Variants in ARHGAP42 observed in about 807,000 individuals in gnomAD.
ARHGAP42 encodes Rho GTPase activating protein 42, also known as rho GTPase-activating protein 42.
A neutral mutation model predicts 125.0 loss-of-function variants in ARHGAP42; 63 were observed. That is an observed-to-expected ratio of 0.50 (90% CI 0.41 to 0.62). The LOEUF (loss-of-function observed/expected upper bound fraction) is 0.62, where lower values mean the gene tolerates loss of function less well. ARHGAP42 is among the 20% of genes least tolerant of loss of function. ARHGAP42 has a pLI of 0.00. For synonymous variants in ARHGAP42, 339 were observed against 351.0 expected, an observed-to-expected ratio of 0.97 and a Z score of 0.38; for missense variants, 766 against 1,024.2, an observed-to-expected ratio of 0.75 and a Z score of 3.44.
intron 1 of ARHGAP42, among the ~76,000 whole-genome samples, chr11:100,768,586 C>T (rs1479997910): frequency 1.3e-5 from 2 of 152,070 alleles, no homozygotes; most frequent in African/African-American, 4.8e-5. Flanking sequence ...AGACTTGAAC[C>T]CATGCAAGAG....
chr11:100,693,940 CT>C (rs199994515), intron 1 of ARHGAP42, among the ~76,000 whole-genome samples: 442 of 144,706 alleles, frequency 3.1e-3, no homozygotes, highest in Non-Finnish European at 2.4e-3. Context: ...TCTTTTCTTT[CT>C]TTTTTTTTTT....
chr11:100,903,878 C>G (rs111394852), intron 4 of ARHGAP42, among the ~76,000 whole-genome samples: 133 of 151,350 alleles, frequency 8.8e-4, no homozygotes, highest in Non-Finnish European at 1.6e-3. Context: ...ACTTGGAATC[C>G]GATGTTCGAG....
chr11:100,805,954 G>T (rs1203718718), intron 3 of ARHGAP42, among the ~76,000 whole-genome samples: 1 of 152,120 alleles, frequency 6.6e-6, no homozygotes, highest in African/African-American at 2.4e-5. Context: ...AGCATCTTGT[G>T]CCAACCTTCA....
chr11:100,847,842 T>C (rs1448253279), intron 3 of ARHGAP42, among the ~76,000 whole-genome samples: 2 of 152,124 alleles, frequency 1.3e-5, no homozygotes, highest in Non-Finnish European at 2.9e-5. Flanking sequence ...TGGGACAGTT[T>C]ATAGATAAGA....
rs143883050 is a variant in ARHGAP42 at position 100,819,215 on chromosome 11, C to T, written c.312+24049C>T. Reference sequence around the variant, plus strand: ...TCAGTTTTATTGTTAGTATTTAGAACGGCTCATCGGAGGAGTCCACAGGCA... The same window carrying T: ...TCAGTTTTATTGTTAGTATTTAGAATGGCTCATCGGAGGAGTCCACAGGCA... On this transcript the variant is annotated intron_variant, in intron 3 of 23. Transcript: ENST00000298815. 3.6e-4 allele frequency among the ~76,000 whole-genome samples: 55 copies of T among 152,198 alleles called. No homozygotes were observed. The East Asian group carries it at 7.3e-3, about 20-fold the overall frequency.
rs1287283814 is a variant in ARHGAP42, at chr11:100,717,848, C to T, written c.154+30016C>T. Among the ~76,000 whole-genome samples the T allele has an allele frequency of 3.3e-5, 5 of 150,892 alleles. No homozygotes were observed. The South Asian group carries it at 1.0e-3, about 32-fold the overall frequency. ...GGCTGAGGCAGGAGAATGGCTTGAA[C>T]CCAGGAGGCGGAGGTTGCAGTGAGC... On this transcript the variant is annotated intron_variant, in intron 1 of 23. Transcript: ENST00000298815.
chr11:100,908,597 A>T (rs1304163088), intron 4 of ARHGAP42, among the ~76,000 whole-genome samples: 1 of 152,164 alleles, frequency 6.6e-6, no homozygotes, highest in African/African-American at 2.4e-5. Flanking sequence ...CTGAGTAGTA[A>T]GTATTCCATG....
chr11:100,980,490 C>T (rs1371509363), intron 22 of ARHGAP42, among the ~76,000 whole-genome samples: 1 of 144,998 alleles, frequency 6.9e-6, no homozygotes, highest in Non-Finnish European at 1.5e-5. Flanking sequence ...TGAAGTAAAT[C>T]AGAAAGCTAT....
intron 12 of ARHGAP42, among the ~76,000 whole-genome samples, chr11:100,959,677 A>G (rs771741349): frequency 4.6e-5 from 7 of 152,126 alleles, no homozygotes; most frequent in Non-Finnish European, 7.4e-5. Flanking sequence ...GAAGGATCTT[A>G]GCAGGTTGAT....
At position 100,788,717 on chromosome 11, in the gene ARHGAP42, G is replaced by A. The variant is rs567928637; in HGVS notation, c.251-6388G>A. Among the ~76,000 whole-genome samples the A allele has an allele frequency of 2.0e-4, 30 of 152,194 alleles. No homozygotes were observed. In the East Asian group the frequency reaches 4.4e-3, roughly 23 times the overall value. ...TACCAAAGACACCAAGTATCTGGTG[G>A]GAGAGTTGGTGTCACTTTTAATAAA... is the stretch of plus-strand genomic sequence containing the variant. On this transcript the variant is annotated intron_variant, in intron 2 of 23. Transcript: ENST00000298815.
At chr11:100,786,934 A>G (rs1863450218) in intron 2 of ARHGAP42, among the ~76,000 whole-genome samples, 1 of 152,028 alleles carries the variant, frequency 6.6e-6, no homozygotes, top group African/African-American at 2.4e-5. Flanking sequence ...AGTTTTCCTC[A>G]TGCTGTTCTT....
chr11:100,903,117 G>GTGCACACACACACACACACACA (rs1555021071), intron 4 of ARHGAP42, among the ~76,000 whole-genome samples: 2 of 131,942 alleles, frequency 1.5e-5, no homozygotes, highest in Non-Finnish European at 3.2e-5. Flanking sequence ...TCCAAGATGC[G>GTGCACACACACACACACACACA]CACACACACA....
At chr11:100,863,653 G>T (rs1865502135) in intron 4 of ARHGAP42, among the ~76,000 whole-genome samples, 1 of 152,160 alleles carries the variant, frequency 6.6e-6, no homozygotes, top group African/African-American at 2.4e-5. Context: ...AAGGAAATGG[G>T]TTCTGCTGTT....
At chr11:100,847,574 C>T (rs1337018958) in intron 3 of ARHGAP42, among the ~76,000 whole-genome samples, 1 of 151,988 alleles carries the variant, frequency 6.6e-6, no homozygotes, top group Non-Finnish European at 1.5e-5. Flanking sequence ...CTGTGTGGAA[C>T]GTTAAATATA....
chr11:100,903,614 C>G (rs1370517721), intron 4 of ARHGAP42, among the ~76,000 whole-genome samples: 1 of 150,364 alleles, frequency 6.7e-6, no homozygotes, highest in Non-Finnish European at 1.5e-5. Flanking sequence ...TATTCCTTGT[C>G]TTCCCACAGC....
intron 3 of ARHGAP42, among the ~76,000 whole-genome samples, chr11:100,801,506 A>G (rs17651772): frequency 0.49 from 74,916 of 152,010 alleles, 19,475 homozygotes; most frequent in South Asian, 0.63. Context: ...TGGTAGTTTA[A>G]TGACTATTTG....
intron 4 of ARHGAP42, among the ~76,000 whole-genome samples, chr11:100,881,988 C>G (rs1865973932): frequency 6.6e-6 from 1 of 152,092 alleles, no homozygotes. Context: ...GCTCCAGGAG[C>G]TTTTTGGAGG....
At chr11:100,796,469 C>T (rs967328074) in intron 3 of ARHGAP42, among the ~76,000 whole-genome samples, 1 of 152,182 alleles carries the variant, frequency 6.6e-6, no homozygotes, top group African/African-American at 2.4e-5. Context: ...TCATGTGTCT[C>T]TCACTTTTTT....
chr11:100,900,684 T>G (rs557297612), intron 4 of ARHGAP42, among the ~76,000 whole-genome samples: 1 of 152,332 alleles, frequency 6.6e-6, no homozygotes, highest in Non-Finnish European at 1.5e-5. Flanking sequence ...ATACCCTTTC[T>G]TCCACTTGGT....
Sources: gnomAD v4.1 joint callset for allele counts (sites outside exome capture counted in the v4.1 genomes callset) on GRCh38, gnomAD v4.1.1 for gene constraint, MANE v1.5 for transcripts, NCBI Gene and HGNC (gene_info 2026-07-23, HGNC 2026-07-21) for gene names.